Variants in TSEN2 observed in about 807,000 individuals in gnomAD.
TSEN2 encodes the protein tRNA-splicing endonuclease subunit Sen2.
In TSEN2, 54 loss-of-function variants were observed where a neutral mutation model predicts 59.2. That is an observed-to-expected ratio of 0.91 (90% CI 0.73 to 1.14). The LOEUF is 1.14. TSEN2 is among the 50% of genes most tolerant of loss of function. The probability of loss-of-function intolerance (pLI) is 0.00; values close to 1 mark genes in which losing one functional copy is unlikely to be tolerated. For missense variants in TSEN2, 636 were observed against 576.2 expected (o/e 1.10, Z -1.06); for synonymous variants, 195 against 198.2 (o/e 0.98, Z 0.14).
rs1476659126 is a variant in TSEN2, at chr3:12,530,401, C to T, written c.1248+528C>T. 8.1e-6 allele frequency: 8 copies of T among 985,722 alleles called. No individual in the cohort carries two copies. In the South Asian group the frequency reaches 1.4e-4, roughly 17 times the overall value. 61.1% of individuals were successfully genotyped at this position (985,722 alleles called of 1,614,324 possible). Reference sequence around the variant, plus strand: ...AGATCACACAGCTCATGTGCATACTCGGGATCCAAACCCACAGCTCTCTGG... The same window carrying T: ...AGATCACACAGCTCATGTGCATACTTGGGATCCAAACCCACAGCTCTCTGG... On this transcript the variant is annotated intron_variant, in intron 10 of 11. Transcript: ENST00000284995.
chr3:12,528,130 T>C (rs1015770363), intron 8 of TSEN2, among the ~76,000 whole-genome samples: 1 of 152,256 alleles, frequency 6.6e-6, no homozygotes, highest in Admixed American at 6.5e-5. Flanking sequence ...ATGAGTCTTA[T>C]TCCTCTTCTT....
intron 11 of TSEN2, 104 bp from the exon 12 acceptor site, chr3:12,532,558 A>G (rs374742040): frequency 9.1e-7 from 1 of 1,101,042 alleles, no homozygotes; most frequent in Non-Finnish European, 1.4e-6. Flanking sequence ...TATCATCATT[A>G]TATAGACCGC....
intron 1 of TSEN2, among the ~76,000 whole-genome samples, chr3:12,488,678 C>T (rs771857327): frequency 2.0e-5 from 3 of 152,200 alleles, no homozygotes; most frequent in African/African-American, 4.8e-5. Flanking sequence ...CAGAGGGACA[C>T]GTACTGGCTT....
At position 12,517,532 on chromosome 3, in the gene TSEN2, T is replaced by C. The variant is rs976800925; in HGVS notation, c.960+871T>C. Reference sequence around the variant, plus strand: ...CCTGCTGCCTTTGGAAGGGAGATAATTGTAAAATAATTCAAATAAAATTTA... The same window carrying C: ...CCTGCTGCCTTTGGAAGGGAGATAACTGTAAAATAATTCAAATAAAATTTA... On this transcript the variant is annotated intron_variant, in intron 7 of 11. Coordinates refer to ENST00000284995, the MANE Select transcript of TSEN2 (RefSeq NM_025265.4). Among the ~76,000 whole-genome samples the C allele has an allele frequency of 3.3e-5, 5 of 152,012 alleles. No individual in the cohort carries two copies. The East Asian group carries it at 9.6e-4, about 29-fold the overall frequency.
chr3:12,482,411 G>A (rs752445013), upstream of TSEN2, among the ~76,000 whole-genome samples: 27 of 152,186 alleles, frequency 1.8e-4, no homozygotes, highest in Non-Finnish European at 3.1e-4. Context: ...ATGAGCCACC[G>A]TGCCCGGCCA....
chr3:12,513,178 T>G (rs1475538698), intron 6 of TSEN2, among the ~76,000 whole-genome samples: 3 of 152,238 alleles, frequency 2.0e-5, no homozygotes, highest in Middle Eastern at 3.2e-3. Context: ...ATTGGTTTCA[T>G]TCACTCTTGG....
chr3:12,536,281 TG>T (rs2057671312), downstream of TSEN2, among the ~76,000 whole-genome samples: 3 of 152,156 alleles, frequency 2.0e-5, no homozygotes, highest in African/African-American at 4.8e-5. Context: ...TTTTTAGTAA[TG>T]GTAGGTTTTC....
chr3:12,539,281 G>A (rs892574286), exon 11 of TSEN2: 26 of 358,130 alleles, frequency 7.3e-5, no homozygotes, highest in Admixed American at 6.9e-4. Flanking sequence ...TTACAGGCAC[G>A]CACCACCACA....
chr3:12,536,567 G>T (rs1002718936), downstream of TSEN2, among the ~76,000 whole-genome samples: 3 of 152,160 alleles, frequency 2.0e-5, no homozygotes, highest in African/African-American at 7.2e-5. Context: ...CATTTAGCTG[G>T]TACGATAAAG....
intron 8 of TSEN2, among the ~76,000 whole-genome samples, chr3:12,522,638 A>G (rs1322366608): frequency 1.3e-5 from 2 of 152,264 alleles, no homozygotes; most frequent in African/African-American, 4.8e-5. Flanking sequence ...AACTGCCAAC[A>G]TAGGCTAAAC....
chr3:12,493,008 C>CAATATATAAATAACAAT (rs2053381369), intron 3 of TSEN2, among the ~76,000 whole-genome samples: 1 of 152,168 alleles, frequency 6.6e-6, no homozygotes, highest in Non-Finnish European at 1.5e-5. Context: ...ATAGATATTT[C>CAATATATAAATAACAAT]ATATATAAAT....
At chr3:12,528,554 T>TA (rs944486268) in intron 8 of TSEN2, among the ~76,000 whole-genome samples, 2 of 151,728 alleles carry the variant, frequency 1.3e-5, no homozygotes, top group Non-Finnish European at 2.9e-5. Context: ...ATGCTGTTGC[T>TA]AAAAAAAAAT....
In TSEN2 at chr3:12,516,627, A is replaced by G. The variant is rs113994149; in HGVS notation, c.926A>G (p.Tyr309Cys). 5.0e-5 allele frequency: 81 copies of G among 1,613,986 alleles called. 1 individual carries two copies. The highest frequency in any genetic ancestry group is 3.2e-4 in the Admixed American group (19 of 59,996). ...LSLEEAFFLV[Y>C]ALGCLSIYYE... is the part of the protein sequence containing the mutation. ...TATTTTCAGGCCTTTTTCTTGGTCT[A>G]TGCTCTGGGATGTTTAAGTATTTAC... Residue 309 changes from tyrosine (Y) to cysteine (C), a missense_variant, in exon 7 of 12, where the codon TAT becomes TGT. Tyr to Cys is a radical substitution (Grantham distance 194). Coordinates refer to ENST00000284995, the MANE Select transcript of TSEN2 (RefSeq NM_025265.4).
chr3:12,480,570 G>A (rs138543642), upstream of TSEN2, among the ~76,000 whole-genome samples: 2,015 of 118,718 alleles, frequency 0.017, 15 homozygotes, highest in Middle Eastern at 0.032. Context: ...TCACTCTGTC[G>A]CCCAGGCTGG....
At chr3:12,503,129 A>G (rs958292611) in intron 4 of TSEN2, 133 bp from the exon 5 acceptor site, 9 of 932,582 alleles carry the variant, frequency 9.7e-6, no homozygotes, top group South Asian at 1.4e-5. Flanking sequence ...AAAAATATTT[A>G]TCTATAATGC....
At chr3:12,530,712 C>T in intron 10 of TSEN2, 1 of 985,398 alleles carries the variant, frequency 1.0e-6, no homozygotes, top group Non-Finnish European at 1.2e-6. Flanking sequence ...GGAGCCTATA[C>T]TGTTTCTAGA....
intron 9 of TSEN2, 130 bp downstream of exon 9, chr3:12,529,054 A>T: frequency 2.3e-6 from 2 of 876,572 alleles, no homozygotes; most frequent in Non-Finnish European, 3.9e-6. Context: ...TAGATGCTAT[A>T]TGTTCATGCC....
intron 6 of TSEN2, among the ~76,000 whole-genome samples, chr3:12,509,535 G>A (rs749479982): frequency 1.8e-4 from 28 of 152,180 alleles, no homozygotes; most frequent in African/African-American, 5.1e-4. Flanking sequence ...GAGCTTTAAC[G>A]TTTATATTTC....
At chr3:12,480,533 T>G (rs1174013013), upstream of TSEN2, among the ~76,000 whole-genome samples, 13 of 140,360 alleles carry the variant, frequency 9.3e-5, no homozygotes, top group Admixed American at 4.2e-4. Context: ...TCTTTGTTTT[T>G]TTTTTTTTTT....
Sources: gnomAD v4.1 joint callset for allele counts (sites outside exome capture counted in the v4.1 genomes callset) on GRCh38, gnomAD v4.1.1 for gene constraint, MANE v1.5 for transcripts, NCBI Gene and HGNC (gene_info 2026-07-23, HGNC 2026-07-21) for gene names.